ST7: variants seen among roughly 807,000 people sequenced by gnomAD.
ST7 encodes suppressor of tumorigenicity 7 protein.
A neutral mutation model predicts 78.7 loss-of-function variants in ST7; 28 were observed. The observed-to-expected ratio is 0.36, with a 90% CI of 0.26 to 0.49. The LOEUF (loss-of-function observed/expected upper bound fraction) is 0.49. ST7 is among the 20% of genes least tolerant of loss of function. The probability of loss-of-function intolerance (pLI) is 0.99; values close to 1 mark genes in which losing one functional copy is unlikely to be tolerated. For synonymous variants in ST7, 247 were observed against 249.6 expected, an observed-to-expected ratio of 0.99 and a Z score of 0.10; for missense variants, 418 against 696.0, an observed-to-expected ratio of 0.60 and a Z score of 4.49.
chr7:117,137,987 G>A (rs1223230073), intron 8 of ST7, among the ~76,000 whole-genome samples: 2 of 152,028 alleles, frequency 1.3e-5, no homozygotes, highest in Non-Finnish European at 2.9e-5. Context: ...TGATTATGAT[G>A]TCACTAGTGT....
At chr7:117,200,688 G>A (rs1163114166) in intron 12 of ST7, among the ~76,000 whole-genome samples, 1 of 152,082 alleles carries the variant, frequency 6.6e-6, no homozygotes, top group African/African-American at 2.4e-5. Flanking sequence ...ACAATATGGA[G>A]GTGAGGACCT....
intron 1 of ST7, among the ~76,000 whole-genome samples, chr7:116,961,788 T>G (rs896450118): frequency 6.6e-6 from 1 of 151,964 alleles, no homozygotes; most frequent in East Asian, 1.9e-4. Context: ...TAATTTTACT[T>G]TAAGTTCTGG....
At chr7:116,967,192 A>T (rs1793163217) in intron 1 of ST7, 2 of 352,174 alleles carry the variant, frequency 5.7e-6, no homozygotes, top group South Asian at 4.7e-5. Flanking sequence ...GTTCTCCTAG[A>T]TGTGTAGGAC....
chr7:116,958,480 G>T, intron 1 of ST7: 4 of 319,050 alleles, frequency 1.3e-5, no homozygotes, highest in South Asian at 5.2e-5. Context: ...CATAAAATTG[G>T]ATTTCCCTTC....
At chr7:117,115,915 A>G (rs759112799) in intron 2 of ST7, among the ~76,000 whole-genome samples, 45 of 152,156 alleles carry the variant, frequency 3.0e-4, no homozygotes, top group Non-Finnish European at 5.9e-4. Context: ...CCTTCCATTC[A>G]GTCTTCTAGT....
chr7:116,997,294 G>A (rs898905018), intron 1 of ST7, among the ~76,000 whole-genome samples: 4 of 152,114 alleles, frequency 2.6e-5, no homozygotes, highest in South Asian at 2.1e-4. Context: ...CTGCTGGCTC[G>A]GGCAGCCTAC....
Position 117,061,191 on chromosome 7 carries a change from A to T in ST7, c.152-38571A>T, listed in dbSNP as rs1798334780. On this transcript the variant is annotated intron_variant, in intron 1 of 15. Transcript: ENST00000323984. ...GGTTTTAGGTCCTGCCATTTTAAAG[A>T]CAATTAAAAGGAGTTTTGGGTCTCT... Among the ~76,000 whole-genome samples the T allele has an allele frequency of 2.0e-5, 3 of 152,152 alleles. No individual in the cohort carries two copies. In the South Asian group the frequency reaches 6.2e-4, roughly 32 times the overall value.
At chr7:117,152,177 C>CTACA (rs1491503348) in intron 9 of ST7, among the ~76,000 whole-genome samples, 1 of 66,858 alleles carries the variant, frequency 1.5e-5, no homozygotes, top group Non-Finnish European at 2.9e-5. Flanking sequence ...TATATAAAAA[C>CTACA]TATATATATA....
intron 1 of ST7, among the ~76,000 whole-genome samples, chr7:117,069,111 A>G (rs1798787407): frequency 6.6e-6 from 1 of 152,258 alleles, no homozygotes; most frequent in African/African-American, 2.4e-5. Flanking sequence ...CACAGCTAAA[A>G]TGAAGGAAAG....
At chr7:117,026,724 A>C (rs1020200201) in intron 1 of ST7, among the ~76,000 whole-genome samples, 4 of 152,076 alleles carry the variant, frequency 2.6e-5, no homozygotes, top group Non-Finnish European at 5.9e-5. Context: ...TATCCAATGA[A>C]CTCTCTGTGT....
chr7:117,068,859 T>C (rs1798773489), intron 1 of ST7, among the ~76,000 whole-genome samples: 1 of 152,234 alleles, frequency 6.6e-6, no homozygotes, highest in Non-Finnish European at 1.5e-5. Flanking sequence ...GAGCCATGAT[T>C]TTAGAGGGTG....
At chr7:117,090,201 T>C (rs1474365510) in intron 1 of ST7, among the ~76,000 whole-genome samples, 2 of 152,092 alleles carry the variant, frequency 1.3e-5, no homozygotes, top group Non-Finnish European at 2.9e-5. Flanking sequence ...CTTCCTAATA[T>C]GGACTTCAGA....
chr7:117,097,327 C>CT (rs762770944), intron 1 of ST7, among the ~76,000 whole-genome samples: 2,629 of 136,918 alleles, frequency 0.019, 26 homozygotes, highest in East Asian at 0.03. Context: ...ATTCTGCTGG[C>CT]TTTTTTTTTT....
chr7:117,135,581 TGTTTA>T (rs895678187), intron 7 of ST7, among the ~76,000 whole-genome samples: 3 of 152,124 alleles, frequency 2.0e-5, no homozygotes, highest in African/African-American at 7.2e-5. Flanking sequence ...AGATAATCTG[TGTTTA>T]GTTAACAGAA....
chr7:117,003,712 G>A (rs564924363), intron 1 of ST7, among the ~76,000 whole-genome samples: 18 of 152,316 alleles, frequency 1.2e-4, no homozygotes, highest in East Asian at 1.2e-3. Context: ...GCATTAGAGC[G>A]TGAGCCACCA....
intron 10 of ST7, among the ~76,000 whole-genome samples, chr7:117,180,678 A>G (rs910778522): frequency 6.6e-6 from 1 of 152,220 alleles, no homozygotes; most frequent in Non-Finnish European, 1.5e-5. Flanking sequence ...GAGACAGGGT[A>G]TAGCTCTGTC....
chr7:117,189,169 A>T, intron 10 of ST7, 152 bp from the exon 11 acceptor site: 1 of 502,452 alleles, frequency 2.0e-6, no homozygotes, highest in Non-Finnish European at 3.5e-6. Context: ...TACAGTAAGG[A>T]ATAGCTGAAA....
At chr7:116,978,349 C>T (rs1793797656) in intron 1 of ST7, among the ~76,000 whole-genome samples, 1 of 152,168 alleles carries the variant, frequency 6.6e-6, no homozygotes, top group African/African-American at 2.4e-5. Context: ...AGGATGTATT[C>T]TACTTCTGGT....
intron 9 of ST7, among the ~76,000 whole-genome samples, chr7:117,166,480 G>A (rs984642625): frequency 1.3e-5 from 2 of 149,964 alleles, no homozygotes; most frequent in African/African-American, 4.9e-5. Flanking sequence ...TACAAATAAT[G>A]TTGTGATAAA....
Sources: allele counts gnomAD v4.1 joint callset (sites outside exome capture counted in the v4.1 genomes callset), GRCh38; gene constraint gnomAD v4.1.1; transcripts MANE v1.5; gene names NCBI Gene and HGNC (gene_info 2026-07-23, HGNC 2026-07-21).